FNDC3B: variants seen among roughly 807,000 people sequenced by gnomAD.
The protein encoded by FNDC3B is fibronectin type III domain containing 3B, also known as fibronectin type III domain-containing protein 3B.
FNDC3B carries 12 observed loss-of-function variants against 151.5 expected under a neutral mutation model. The ratio of observed to expected loss-of-function variants is 0.08; its 90% CI spans 0.05 to 0.13. FNDC3B has a LOEUF of 0.13. Ranked by LOEUF, FNDC3B falls within the 10% of genes least tolerant of loss-of-function variation. FNDC3B has a pLI of 1.00. For missense variants in FNDC3B, 1,214 were observed against 1,505.3 expected (o/e 0.81, Z 3.20); for synonymous variants, 528 against 549.0 (o/e 0.96, Z 0.54).
At chr3:172,274,873 C>T (rs1371093309) in intron 6 of FNDC3B, among the ~76,000 whole-genome samples, 5 of 152,150 alleles carry the variant, frequency 3.3e-5, no homozygotes. Context: ...TAAATTAGGG[C>T]CCACCCTGAT....
chr3:172,344,020 T>G, intron 18 of FNDC3B, 66 bp from the exon 19 acceptor site: 1 of 1,468,650 alleles, frequency 6.8e-7, no homozygotes, highest in African/African-American at 1.4e-5. Context: ...TTGTGTGAAA[T>G]CTGGTGCACT....
At chr3:172,146,539 G>C (rs1470950595) in intron 3 of FNDC3B, among the ~76,000 whole-genome samples, 2 of 152,170 alleles carry the variant, frequency 1.3e-5, no homozygotes, top group Non-Finnish European at 2.9e-5. Flanking sequence ...AAGCTCCCGG[G>C]CCATTTGAAT....
At chr3:172,203,875 T>C (rs1044527479) in intron 3 of FNDC3B, among the ~76,000 whole-genome samples, 2 of 152,208 alleles carry the variant, frequency 1.3e-5, no homozygotes, top group East Asian at 1.9e-4. Flanking sequence ...AATGTGATTG[T>C]GAATAGACAG....
rs751046249 is a variant in FNDC3B, at chr3:172,392,809, TC to T, written c.3304-4354del. 4.7e-3 allele frequency among the ~76,000 whole-genome samples: 300 copies of T among 63,646 alleles called. 7 individuals are homozygous for T. Among genetic ancestry groups the T allele is most frequent in the East Asian group, 0.04 (72 of 1,778 alleles). The allele number at this position is 63,646 out of a possible 152,430, so 41.8% of individuals were successfully genotyped here. ...TGAATGAATTTTTTCTTTTTTTTTT[TC>T]TTTTTTTTTTTTCAGACAGAGAGTA... On this transcript the variant is annotated intron_variant, in intron 25 of 25. Coordinates refer to ENST00000415807, the MANE Select transcript of FNDC3B (RefSeq NM_022763.4).
intron 23 of FNDC3B, among the ~76,000 whole-genome samples, chr3:172,377,224 C>T (rs962442363): frequency 2.6e-5 from 4 of 152,180 alleles, no homozygotes; most frequent in Admixed American, 1.3e-4. Flanking sequence ...GATGCTGTGA[C>T]GAAGCCCTGG....
intron 1 of FNDC3B, among the ~76,000 whole-genome samples, chr3:172,103,757 A>G (rs1304684417): frequency 6.6e-6 from 1 of 152,174 alleles, no homozygotes; most frequent in East Asian, 1.9e-4. Flanking sequence ...TGGATGTAAA[A>G]CGCAAGAACG....
intron 9 of FNDC3B, among the ~76,000 whole-genome samples, chr3:172,299,472 AC>A (rs1730792252): frequency 6.6e-6 from 1 of 152,254 alleles, no homozygotes; most frequent in South Asian, 2.1e-4. Flanking sequence ...ATTTAAAGAT[AC>A]ATCCATCTAT....
intron 4 of FNDC3B, among the ~76,000 whole-genome samples, chr3:172,234,966 TA>T (rs2108752743): frequency 6.6e-6 from 1 of 152,322 alleles, no homozygotes; most frequent in Non-Finnish European, 1.5e-5. Context: ...TGATAGGTGT[TA>T]CCTGAATATC....
intron 1 of FNDC3B, among the ~76,000 whole-genome samples, chr3:172,066,190 G>A (rs1342503716): frequency 6.6e-6 from 1 of 152,212 alleles, no homozygotes; most frequent in East Asian, 1.9e-4. Flanking sequence ...CCATGATTCT[G>A]TGGTTGCTAG....
At chr3:172,296,337 G>A (rs986311646) in intron 8 of FNDC3B, among the ~76,000 whole-genome samples, 2 of 152,248 alleles carry the variant, frequency 1.3e-5, no homozygotes, top group Middle Eastern at 3.4e-3. Context: ...TGCCACAGAT[G>A]CGTATCTCCC....
intron 2 of FNDC3B, among the ~76,000 whole-genome samples, chr3:172,125,202 G>T (rs1406812818): frequency 2.0e-5 from 3 of 152,292 alleles, no homozygotes; most frequent in East Asian, 3.9e-4. Context: ...ACTCCAGAAG[G>T]TGGCAGTGCC....
intron 1 of FNDC3B, among the ~76,000 whole-genome samples, chr3:172,053,964 A>G (rs11718418): frequency 0.56 from 84,152 of 151,500 alleles, 23,623 homozygotes; most frequent in Admixed American, 0.6. Flanking sequence ...AAAATTTGAG[A>G]CAGTTGGTTA....
At chr3:172,263,138 G>T (rs1048327224) in intron 6 of FNDC3B, among the ~76,000 whole-genome samples, 1 of 150,252 alleles carries the variant, frequency 6.7e-6, no homozygotes, top group African/African-American at 2.4e-5. Flanking sequence ...ATCAACTCTT[G>T]CTTTCTAGAC....
At chr3:172,227,748 A>AT (rs1344649481) in intron 4 of FNDC3B, among the ~76,000 whole-genome samples, 3 of 151,990 alleles carry the variant, frequency 2.0e-5, no homozygotes, top group African/African-American at 4.8e-5. Flanking sequence ...AATATTTACC[A>AT]TTTTACTATC....
chr3:172,177,902 C>A (rs1362400479), intron 3 of FNDC3B, among the ~76,000 whole-genome samples: 3 of 151,946 alleles, frequency 2.0e-5, no homozygotes, highest in African/African-American at 7.3e-5. Context: ...TCCCTGTGTC[C>A]TTGTGTTCTC....
chr3:172,177,449 G>T (rs1007751171), intron 3 of FNDC3B, among the ~76,000 whole-genome samples: 1 of 152,080 alleles, frequency 6.6e-6, no homozygotes, highest in Admixed American at 6.6e-5. Context: ...GTATGAATGT[G>T]GTAGCTCAAT....
chr3:172,049,630 C>T (rs931532239), intron 1 of FNDC3B, among the ~76,000 whole-genome samples: 8 of 152,058 alleles, frequency 5.3e-5, no homozygotes, highest in Non-Finnish European at 8.8e-5. Flanking sequence ...CAGGTTCAAG[C>T]GATTCTTCTG....
At chr3:172,307,598 A>AG in intron 10 of FNDC3B, 97 bp downstream of exon 10, 1 of 1,249,354 alleles carries the variant, frequency 8.0e-7, no homozygotes, top group Non-Finnish European at 1.1e-6. Flanking sequence ...GAGGCTGAGG[A>AG]GGGGGGATCA....
Position 172,321,550 on chromosome 3 carries a change from T to C in FNDC3B, c.1255-7402T>C, listed in dbSNP as rs189382841. ...TTGCTTTTGTTTTTGTTTTGTTTTG[T>C]TTTGTTTTGAGACAGGGTCTTGCTC... On this transcript the variant is annotated intron_variant, in intron 11 of 25. Transcript: ENST00000415807. 20 of 177,980 alleles carry C rather than the reference T, an allele frequency of 1.1e-4. No individual in the cohort carries two copies. The East Asian group carries it at 2.7e-3, about 24-fold the overall frequency. The allele number at this position is 177,980 out of a possible 1,614,324, so 11.0% of individuals were successfully genotyped here. A position where few individuals can be genotyped will look rare whatever the true frequency, so the allele number is the denominator to read the frequency against.
Sources: allele counts gnomAD v4.1 joint callset (sites outside exome capture counted in the v4.1 genomes callset), GRCh38; gene constraint gnomAD v4.1.1; transcripts MANE v1.5; gene names NCBI Gene and HGNC (gene_info 2026-07-23, HGNC 2026-07-21).